Variants in HYKK observed in about 807,000 individuals in gnomAD.
The protein encoded by HYKK is hydroxylysine kinase.
In HYKK, 19 loss-of-function variants were observed where a neutral mutation model predicts 29.7. That is an observed-to-expected ratio of 0.64 (90% confidence interval 0.45 to 0.94). The LOEUF (loss-of-function observed/expected upper bound fraction) is 0.94. Among genes scored for constraint, HYKK ranks in the 40% least tolerant of loss-of-function variants. HYKK has a pLI of 0.00. For synonymous variants in HYKK, 152 were observed against 158.1 expected, an observed-to-expected ratio of 0.96 and a Z score of 0.29; for missense variants, 390 against 443.4, an observed-to-expected ratio of 0.88 and a Z score of 1.08.
intron 1 of HYKK, among the ~76,000 whole-genome samples, chr15:78,511,526 A>G (rs2052072733): frequency 6.6e-6 from 1 of 152,020 alleles, no homozygotes; most frequent in African/African-American, 2.4e-5. Flanking sequence ...CCAGAAATTC[A>G]AGACCAGCCT....
intron 3 of HYKK, among the ~76,000 whole-genome samples, chr15:78,521,795 G>A (rs2052199572): frequency 6.6e-6 from 1 of 152,096 alleles, no homozygotes; most frequent in Admixed American, 6.6e-5. Flanking sequence ...AGAGCCAGTT[G>A]AAACCTAGAT....
intron 3 of HYKK, among the ~76,000 whole-genome samples, chr15:78,520,138 A>G (rs1387874277): frequency 6.6e-6 from 1 of 152,216 alleles, no homozygotes; most frequent in Non-Finnish European, 1.5e-5. Flanking sequence ...TTCATTTGGC[A>G]TTACATGCAT....
Position 78,536,304 on chromosome 15 carries a change from C to CAA in HYKK, c.*2635_*2636insAA, listed in dbSNP as rs1431076873. On this transcript the variant is annotated 3_prime_UTR_variant, in exon 5 of 5. Coordinates refer to ENST00000388988, the MANE Select transcript of HYKK (RefSeq NM_001013619.4). The stretch of plus-strand genomic sequence containing the variant: ...CCTCCTCTCCTGTCCCTGCTACACA[C>CAA]ACACACACACACACACACACACACA... The CAA allele has an allele frequency of 4.4e-5, 3 of 68,820 alleles. No homozygotes were observed. The East Asian group carries it at 8.4e-4, about 19-fold the overall frequency. 4.3% of individuals were successfully genotyped at this position (68,820 alleles called of 1,614,324 possible). A position where few individuals can be genotyped will look rare whatever the true frequency, so the allele number is the denominator to read the frequency against.
At chr15:78,537,252 A>ACAG, downstream of HYKK, 1 of 562,844 alleles carries the variant, frequency 1.8e-6, no homozygotes. Context: ...TCTCTGGAAG[A>ACAG]CCCTAATATA....
intron 4 of HYKK, among the ~76,000 whole-genome samples, chr15:78,529,049 T>A (rs2052286065): frequency 6.6e-6 from 1 of 152,186 alleles, no homozygotes; most frequent in Non-Finnish European, 1.5e-5. Flanking sequence ...TTGTGCTTTC[T>A]CTCATGTCAC....
rs1286832516 is a variant in HYKK, at chr15:78,533,496, A to T, written c.948A>T (p.Ser316=). 1.2e-6 allele frequency: 2 copies of T among 1,614,200 alleles called. No individual in the cohort carries two copies. The highest frequency in any genetic ancestry group is 1.7e-6 in the Non-Finnish European group (2 of 1,180,040). The change falls in exon 5 of 5, where the codon TCA becomes TCT. Residue 316 remains serine (S), a synonymous_variant. Coordinates refer to ENST00000388988, the MANE Select transcript of HYKK (RefSeq NM_001013619.4). ...TTGTATGCAGTCGTTTTTGTCAGTCACTTGTCATGGCTGCATACTCTTGCC... is the reference window on the plus strand; with the variant it reads ...TTGTATGCAGTCGTTTTTGTCAGTCTCTTGTCATGGCTGCATACTCTTGCC... The part of the protein sequence containing the change: ...FLLVCSRFCQ[S]LVMAAYSCQL...
At chr15:78,523,140 C>T (rs1024842878) in intron 3 of HYKK, among the ~76,000 whole-genome samples, 4 of 152,134 alleles carry the variant, frequency 2.6e-5, no homozygotes, top group African/African-American at 9.7e-5. Context: ...AAAGAAATAC[C>T]TGAGACTGGG....
chr15:78,523,454 C>G (rs184257637), intron 3 of HYKK, among the ~76,000 whole-genome samples: 1 of 152,332 alleles, frequency 6.6e-6, no homozygotes, highest in Admixed American at 6.5e-5. Flanking sequence ...CCAGGCCCCA[C>G]CTCCAATACT....
intron 3 of HYKK, among the ~76,000 whole-genome samples, chr15:78,522,677 GACC>G (rs2052210190): frequency 6.6e-6 from 1 of 151,856 alleles, no homozygotes; most frequent in Non-Finnish European, 1.5e-5. Context: ...AGGAGTTCCA[GACC>G]AGCCTGGCCA....
intron 2 of HYKK, among the ~76,000 whole-genome samples, chr15:78,514,755 C>T (rs1423064114): frequency 2.0e-5 from 3 of 152,132 alleles, no homozygotes; most frequent in African/African-American, 7.2e-5. Flanking sequence ...TTGCTTCATC[C>T]ACTCAACTCT....
intron 1 of HYKK, among the ~76,000 whole-genome samples, chr15:78,507,947 G>T (rs1034754799): frequency 1.3e-5 from 2 of 152,192 alleles, no homozygotes; most frequent in Non-Finnish European, 2.9e-5. Flanking sequence ...CCGGGTCTGT[G>T]TGGGGTCGCT....
At chr15:78,508,153 T>C (rs1353361713) in intron 1 of HYKK, among the ~76,000 whole-genome samples, 1 of 152,208 alleles carries the variant, frequency 6.6e-6, no homozygotes, top group Non-Finnish European at 1.5e-5. Flanking sequence ...AGTAATGCAC[T>C]GTTGTCTTTG....
chr15:78,515,385 A>AC (rs1218356965), intron 3 of HYKK, among the ~76,000 whole-genome samples: 1 of 152,036 alleles, frequency 6.6e-6, no homozygotes, highest in Non-Finnish European at 1.5e-5. Flanking sequence ...GGAATTTGAG[A>AC]CCAGCCTGGC....
chr15:78,530,283 G>A (rs1012122480), intron 4 of HYKK, among the ~76,000 whole-genome samples: 2 of 150,484 alleles, frequency 1.3e-5, no homozygotes, highest in African/African-American at 2.5e-5. Context: ...TCACTGCAAC[G>A]TCCACCTCCT....
rs1384802918 is a variant in HYKK, at chr15:78,535,928, G to C, written c.*2258G>C. On this transcript the variant is annotated 3_prime_UTR_variant, in exon 5 of 5. Transcript: ENST00000388988. Reference sequence around the variant, plus strand: ...GATAGGGTCTCACTATGTTGCCCAGGCTGGTCTCAAACCCCTGGACTCAAG... The same window carrying C: ...GATAGGGTCTCACTATGTTGCCCAGCCTGGTCTCAAACCCCTGGACTCAAG... 2 of 152,158 alleles carry C rather than the reference G, an allele frequency of 1.3e-5. No individual in the cohort carries two copies. The highest frequency in any genetic ancestry group is 2.4e-5 in the African/African-American group (1 of 41,396). The allele number at this position is 152,158 out of a possible 1,614,324, so 9.4% of individuals were successfully genotyped here.
intron 2 of HYKK, among the ~76,000 whole-genome samples, chr15:78,513,734 A>G (rs1245924439): frequency 1.3e-5 from 2 of 151,886 alleles, no homozygotes; most frequent in Non-Finnish European, 2.9e-5. Flanking sequence ...TCAGGGGAAT[A>G]TTTTTTGTTT....
rs1413134202 is a variant in HYKK at position 78,528,397 on chromosome 15, G to A, written c.661+834G>A. On this transcript the variant is annotated intron_variant, in intron 4 of 4. Transcript: ENST00000388988. The stretch of plus-strand genomic sequence containing the variant: ...CCAGTCCCTGATGCCAAAAAGGTTG[G>A]GAACTACTGCTCTAGTATATATCTA... 3.0e-6 allele frequency: 3 copies of A among 984,710 alleles called. No homozygotes were observed. The East Asian group carries it at 3.4e-4, about 112-fold the overall frequency. The allele number at this position is 984,710 out of a possible 1,614,324, so 61.0% of individuals were successfully genotyped here. A position where few individuals can be genotyped will look rare whatever the true frequency, so the allele number is the denominator to read the frequency against.
chr15:78,537,304 T>C, downstream of HYKK: 2 of 666,504 alleles, frequency 3.0e-6, no homozygotes, highest in Non-Finnish European at 5.6e-6. Context: ...TTTCAGGACC[T>C]AGCACCGTGC....
At position 78,527,464 on chromosome 15, in the gene HYKK, C is replaced by A; in HGVS notation, c.562C>A (p.Leu188Met). 6.2e-7 allele frequency: 1 copy of A among 1,614,032 alleles called. No homozygotes were observed. Among genetic ancestry groups the A allele is most frequent in the East Asian group, 2.2e-5 (1 of 44,878 alleles). The change falls in exon 4 of 5, where the codon CTG (leucine) becomes ATG (methionine). Residue 188 changes from leucine (L) to methionine (M), a missense_variant. Physicochemically the swap from Leu to Met is conservative, Grantham distance 15. Transcript: ENST00000388988. ...LKNVPLLEKY[L>M]YALGQNRNRE... is the part of the protein sequence containing the mutation. The stretch of plus-strand genomic sequence containing the variant: ...AAATGTTCCTCTTCTGGAGAAATAC[C>A]TGTATGCCCTGGGCCAGAATCGAAA...
Sources: gnomAD v4.1 joint callset for allele counts (sites outside exome capture counted in the v4.1 genomes callset) on GRCh38, gnomAD v4.1.1 for gene constraint, MANE v1.5 for transcripts, NCBI Gene and HGNC (gene_info 2026-07-23, HGNC 2026-07-21) for gene names.